The following BRCC3 variants were observed in gnomAD, a reference collection of about 807,000 sequenced individuals.
BRCC3 encodes the protein lys-63-specific deubiquitinase BRCC36.
A neutral mutation model predicts 28.0 loss-of-function variants in BRCC3; 15 were observed. That is an observed-to-expected ratio of 0.54 (90% confidence interval 0.36 to 0.82). BRCC3 has a LOEUF of 0.82. Ranked by LOEUF, BRCC3 falls within the 40% of genes least tolerant of loss-of-function variation. The pLI, the probability that BRCC3 is intolerant of heterozygous loss-of-function variation, is 0.01. For synonymous variants in BRCC3, 66 were observed against 80.3 expected (o/e 0.82, Z 0.95); for missense variants, 109 against 225.9 (o/e 0.48, Z 3.32).
At chrX:155,098,460 T>G (rs1168715443) in intron 7 of BRCC3, among the ~76,000 whole-genome samples, 1 of 112,573 alleles carries the variant, frequency 8.9e-6, no homozygotes, top group East Asian at 2.8e-4. Context: ...GTATCAGCCT[T>G]ACGGATTTTT....
intron 3 of BRCC3, among the ~76,000 whole-genome samples, chrX:155,075,613 G>A (rs1045086631): frequency 1.2e-4 from 13 of 111,606 alleles, no homozygotes; most frequent in African/African-American, 3.9e-4. Flanking sequence ...ACCGTTTCCT[G>A]TCCACCATCA....
chrX:155,108,947 C>T (rs2074301233), intron 7 of BRCC3, among the ~76,000 whole-genome samples: 1 of 111,450 alleles, frequency 9.0e-6, no homozygotes, highest in Non-Finnish European at 1.9e-5. Flanking sequence ...CTTTCCCTAT[C>T]TGGAAGAGAT....
intron 7 of BRCC3, among the ~76,000 whole-genome samples, chrX:155,113,556 GA>G (rs1464617847): frequency 2.7e-5 from 3 of 111,209 alleles, no homozygotes; most frequent in African/African-American, 9.8e-5. Context: ...AAAACATAGG[GA>G]AAAAGCTTCA....
At chrX:155,101,616 C>T (rs1255199562) in intron 7 of BRCC3, among the ~76,000 whole-genome samples, 1 of 111,827 alleles carries the variant, frequency 8.9e-6, no homozygotes, top group Non-Finnish European at 1.9e-5. Context: ...TAATCCATTA[C>T]TATCATTAGT....
At chrX:155,082,808 C>G (rs2074093746) in intron 5 of BRCC3, among the ~76,000 whole-genome samples, 1 of 112,409 alleles carries the variant, frequency 8.9e-6, no homozygotes, top group Admixed American at 9.4e-5. Context: ...TCCTTTATGG[C>G]AGTTTTTTCT....
intron 7 of BRCC3, among the ~76,000 whole-genome samples, chrX:155,105,259 G>A (rs1475815399): frequency 9.0e-6 from 1 of 111,537 alleles, no homozygotes; most frequent in Non-Finnish European, 1.9e-5. Context: ...GAGGCGCGTG[G>A]ATCACTTGAG....
chrX:155,076,756 G>T (rs1557293697), intron 3 of BRCC3, among the ~76,000 whole-genome samples: 1 of 111,848 alleles, frequency 8.9e-6, no homozygotes, highest in South Asian at 3.7e-4. Flanking sequence ...AGCCATATCA[G>T]CTCCTATGGC....
At chrX:155,077,673 T>C (rs913780851) in intron 4 of BRCC3, among the ~76,000 whole-genome samples, 1 of 111,938 alleles carries the variant, frequency 8.9e-6, no homozygotes, top group African/African-American at 3.2e-5. Context: ...GATTCTCTTT[T>C]GTGACTTCCT....
intron 7 of BRCC3, among the ~76,000 whole-genome samples, chrX:155,091,794 TAAA>T (rs1186835284): frequency 1.0e-5 from 1 of 98,082 alleles, no homozygotes. Context: ...ATGCAGCCGT[TAAA>T]AAAAAAAAAA....
intron 9 of BRCC3, among the ~76,000 whole-genome samples, chrX:155,117,271 G>A (rs1410182535): frequency 8.9e-6 from 1 of 112,049 alleles, no homozygotes; most frequent in Non-Finnish European, 1.9e-5. Flanking sequence ...AGAGATAAAA[G>A]GGAAGGCATG....
intron 7 of BRCC3, among the ~76,000 whole-genome samples, chrX:155,098,454 C>T (rs1032552533): frequency 1.8e-5 from 2 of 112,409 alleles, no homozygotes; most frequent in South Asian, 7.3e-4. Context: ...TGTGTGGTAT[C>T]AGCCTTACGG....
intron 8 of BRCC3, 30 bp downstream of exon 8, chrX:155,116,218 C>G (rs1034501059): frequency 8.8e-7 from 1 of 1,142,671 alleles, no homozygotes; most frequent in Non-Finnish European, 1.2e-6. Flanking sequence ...CTCTTCTCTA[C>G]TTCTCAGGAC....
At chrX:155,085,119 G>A (rs1352367372) in intron 5 of BRCC3, among the ~76,000 whole-genome samples, 5 of 112,466 alleles carry the variant, frequency 4.4e-5, no homozygotes, top group South Asian at 3.6e-4. Context: ...TTTTCACCAC[G>A]TAGCTCCTAA....
intron 9 of BRCC3, among the ~76,000 whole-genome samples, chrX:155,118,189 T>C (rs2074368675): frequency 8.9e-6 from 1 of 111,997 alleles, no homozygotes; most frequent in Non-Finnish European, 1.9e-5. Flanking sequence ...TATCAGTGGG[T>C]GAATGGATAA....
At chrX:155,078,730 ATTG>A in intron 5 of BRCC3, 27 bp downstream of exon 5, 6 of 1,055,999 alleles carry the variant, frequency 5.7e-6, no homozygotes, top group South Asian at 2.1e-5. Flanking sequence ...TGCAATGTTT[ATTG>A]TTTTCAGAAA....
chrX:155,082,508 A>C (rs986861002), intron 5 of BRCC3, among the ~76,000 whole-genome samples: 2 of 112,347 alleles, frequency 1.8e-5, no homozygotes, highest in South Asian at 3.7e-4. Context: ...CAAGAATAGT[A>C]TGAAGAACCA....
Position 155,120,015 on chromosome X carries a change from G to A in BRCC3, c.741G>A (p.Leu247=). 8.3e-7 allele frequency: 1 copy of A among 1,206,874 alleles called. No homozygotes were observed. The highest frequency in any genetic ancestry group is 1.8e-5 in the South Asian group (1 of 56,025). Residue 247 remains leucine (L), a synonymous_variant, in exon 10 of 11, where the codon CTG becomes CTA. Coordinates refer to ENST00000330045, the MANE Select transcript of BRCC3 (RefSeq NM_001018055.3). ...CTATTGAAGTGTTTACCAAGAATCT[G>A]TGCAGTCAGATGTCGGCAGTCAGCG... The part of the protein sequence containing the change: ...IHNGSVFTKN[L]CSQMSAVSGP...
In BRCC3 at chrX:155,121,326, C is replaced by G. The variant is rs2074387145; in HGVS notation, c.*122C>G. The G allele has an allele frequency of 8.9e-6, 1 of 111,752 alleles. No individual in the cohort carries two copies. Among genetic ancestry groups the G allele is most frequent in the African/African-American group, 3.3e-5 (1 of 30,755 alleles). The allele number at this position is 111,752 out of a possible 1,213,427, so 9.2% of individuals were successfully genotyped here. On this transcript the variant is annotated 3_prime_UTR_variant, in exon 11 of 11. Transcript: ENST00000330045. ...CCTGACTTCAAGACTTACTATAAAG[C>G]TATAGTAATCAAGATAGATGGTATT...
At chrX:155,084,995 A>G (rs1409639131) in intron 5 of BRCC3, among the ~76,000 whole-genome samples, 2 of 111,711 alleles carry the variant, frequency 1.8e-5, no homozygotes, top group Non-Finnish European at 3.8e-5. Context: ...AAAAAGTAGG[A>G]TATGAGAAAT....
Sources: gnomAD v4.1 joint callset for allele counts (sites outside exome capture counted in the v4.1 genomes callset) on GRCh38, gnomAD v4.1.1 for gene constraint, MANE v1.5 for transcripts, NCBI Gene and HGNC (gene_info 2026-07-23, HGNC 2026-07-21) for gene names.